Variants in CREB5 observed in about 807,000 individuals in gnomAD.
CREB5 encodes cyclic AMP-responsive element-binding protein 5.
A neutral mutation model predicts 57.1 loss-of-function variants in CREB5; 19 were observed. The ratio of observed to expected loss-of-function variants is 0.33; its 90% CI spans 0.23 to 0.49. The LOEUF (loss-of-function observed/expected upper bound fraction) is 0.49. Ranked by LOEUF, CREB5 falls within the 20% of genes least tolerant of loss-of-function variation. CREB5 has a pLI of 0.99. For synonymous variants in CREB5, 238 were observed against 238.3 expected (o/e 1.00, Z 0.01); for missense variants, 579 against 671.6 (o/e 0.86, Z 1.52).
rs1562797953 is a variant in CREB5 at position 28,560,933 on chromosome 7, T to TGTGTGC, written c.292-9429_292-9428insTGCGTG. Among the ~76,000 whole-genome samples the TGTGTGC allele has an allele frequency of 4.2e-3, 209 of 49,280 alleles. 14 individuals are homozygous for TGTGTGC. Among genetic ancestry groups the TGTGTGC allele is most frequent in the African/African-American group, 0.016 (199 of 12,148 alleles). 32.3% of individuals were successfully genotyped at this position (49,280 alleles called of 152,430 possible). On this transcript the variant is annotated intron_variant, in intron 4 of 10. Transcript: ENST00000357727. The stretch of plus-strand genomic sequence containing the variant: ...GCGTGTGCGTGTGTGCGCGTGCGTG[T>TGTGTGC]GTGCGTGCGTGTGTGTGCGTGTGTG...
chr7:28,744,340 CTTTTTTTTT>C (rs753167682), intron 7 of CREB5, among the ~76,000 whole-genome samples: 2 of 88,826 alleles, frequency 2.3e-5, no homozygotes, highest in South Asian at 4.3e-4. Context: ...TTTAGTACCT[CTTTTTTTTT>C]TTTTTTTTTT....
chr7:28,595,518 C>T (rs531325839), intron 5 of CREB5, among the ~76,000 whole-genome samples: 11 of 152,304 alleles, frequency 7.2e-5, no homozygotes, highest in African/African-American at 2.6e-4. Context: ...TGGTGCACCC[C>T]TTTCTCTGGT....
chr7:28,561,021 T>TGCGTGCGTGCGC (rs1230186047), intron 4 of CREB5, among the ~76,000 whole-genome samples: 5 of 43,212 alleles, frequency 1.2e-4, no homozygotes, highest in Admixed American at 3.0e-4. Flanking sequence ...TGTGTGCGTG[T>TGCGTGCGTGCGC]GTGCGTGTGT....
intron 1 of CREB5, among the ~76,000 whole-genome samples, chr7:28,437,906 A>G (rs1327749973): frequency 6.6e-6 from 1 of 152,136 alleles, no homozygotes; most frequent in East Asian, 1.9e-4. Context: ...CGATGGAGAC[A>G]TTTGCGAGAT....
chr7:28,396,071 C>T (rs1226368124), intron 1 of CREB5, among the ~76,000 whole-genome samples: 1 of 152,234 alleles, frequency 6.6e-6, no homozygotes, highest in Non-Finnish European at 1.5e-5. Context: ...GCCCCTGAAA[C>T]ATTTGCAAAT....
chr7:28,360,544 G>A (rs1447098457), intron 1 of CREB5, among the ~76,000 whole-genome samples: 1 of 152,134 alleles, frequency 6.6e-6, no homozygotes, highest in Non-Finnish European at 1.5e-5. Context: ...AGAGAGTACT[G>A]TGGTGGTTAC....
At chr7:28,450,784 G>A (rs1789757699) in intron 1 of CREB5, among the ~76,000 whole-genome samples, 1 of 152,228 alleles carries the variant, frequency 6.6e-6, no homozygotes, top group South Asian at 2.1e-4. Context: ...TATATTCTCT[G>A]CAATTCATGT....
chr7:28,709,796 C>G (rs926168118), intron 5 of CREB5, among the ~76,000 whole-genome samples: 1 of 152,146 alleles, frequency 6.6e-6, no homozygotes, highest in African/African-American at 2.4e-5. Context: ...CCAAATTTAC[C>G]TCGTGTGGTA....
At chr7:28,362,877 G>A (rs1481224485) in intron 1 of CREB5, among the ~76,000 whole-genome samples, 1 of 152,136 alleles carries the variant, frequency 6.6e-6, no homozygotes, top group African/African-American at 2.4e-5. Context: ...CTGGAAAGTG[G>A]GAATGATAAT....
intron 1 of CREB5, 131 bp from the exon 2 acceptor site, chr7:28,488,044 C>A: frequency 1.4e-6 from 1 of 721,108 alleles, no homozygotes; most frequent in Non-Finnish European, 2.4e-6. Context: ...CATTAATGTT[C>A]TGCTCATCTA....
At chr7:28,476,769 T>C (rs1461129079) in intron 1 of CREB5, among the ~76,000 whole-genome samples, 1 of 152,246 alleles carries the variant, frequency 6.6e-6, no homozygotes, top group Non-Finnish European at 1.5e-5. Context: ...TATATATGTG[T>C]TTGCAGCTTG....
At chr7:28,537,427 G>T (rs1268252877) in intron 4 of CREB5, among the ~76,000 whole-genome samples, 1 of 149,800 alleles carries the variant, frequency 6.7e-6, no homozygotes, top group Non-Finnish European at 1.5e-5. Flanking sequence ...TGAGCATATG[G>T]CCATTTAAAA....
intron 4 of CREB5, among the ~76,000 whole-genome samples, 194 bp downstream of exon 4, chr7:28,507,931 T>G (rs1188439188): frequency 1.3e-5 from 2 of 152,224 alleles, no homozygotes; most frequent in African/African-American, 4.8e-5. Context: ...AATCAAAAAT[T>G]TAGTCAAACT....
intron 5 of CREB5, among the ~76,000 whole-genome samples, chr7:28,680,089 G>A (rs1172326580): frequency 2.0e-5 from 3 of 152,102 alleles, no homozygotes; most frequent in Non-Finnish European, 2.9e-5. Flanking sequence ...CATTTAAGGG[G>A]GCAATTATTC....
At chr7:28,623,044 G>A (rs553752533) in intron 5 of CREB5, among the ~76,000 whole-genome samples, 18 of 152,042 alleles carry the variant, frequency 1.2e-4, no homozygotes, top group South Asian at 6.3e-4. Context: ...CACCATGCCC[G>A]GCTAATTTTT....
chr7:28,475,453 A>T (rs12674383), intron 1 of CREB5, among the ~76,000 whole-genome samples: 24,248 of 147,322 alleles, frequency 0.16, 2,047 homozygotes, highest in East Asian at 0.2. Flanking sequence ...CACATGGGCT[A>T]TTTGGGGAAT....
intron 1 of CREB5, among the ~76,000 whole-genome samples, chr7:28,487,692 G>A (rs1791625945): frequency 6.6e-6 from 1 of 152,178 alleles, no homozygotes; most frequent in African/African-American, 2.4e-5. Context: ...GGGTGGTTGT[G>A]GGTGTCTCAT....
rs188678405 is a variant in CREB5 at position 28,655,174 on chromosome 7, G to A, written c.465-63579G>A. On this transcript the variant is annotated intron_variant, in intron 5 of 10. Coordinates refer to ENST00000357727, the MANE Select transcript of CREB5 (RefSeq NM_182898.4). ...TGTGTCAGCCCCCCAAAGTGCTGAGGTTACAGGCATGAGCCACTGTGTGAG... is the reference window on the plus strand; with the variant it reads ...TGTGTCAGCCCCCCAAAGTGCTGAGATTACAGGCATGAGCCACTGTGTGAG... Among the ~76,000 whole-genome samples the A allele has an allele frequency of 9.9e-4, 150 of 152,248 alleles. 1 individual carries two copies. Among genetic ancestry groups the A allele is most frequent in the Non-Finnish European group, 4.7e-4 (32 of 68,024 alleles).
chr7:28,663,981 A>G (rs956744535), intron 5 of CREB5, among the ~76,000 whole-genome samples: 1 of 152,220 alleles, frequency 6.6e-6, no homozygotes, highest in Non-Finnish European at 1.5e-5. Flanking sequence ...AGCATGCAGA[A>G]GAATAACTGG....
Sources: gnomAD v4.1 joint callset for allele counts (sites outside exome capture counted in the v4.1 genomes callset) on GRCh38, gnomAD v4.1.1 for gene constraint, MANE v1.5 for transcripts, NCBI Gene and HGNC (gene_info 2026-07-23, HGNC 2026-07-21) for gene names.